PLEKHA3: variants seen among roughly 807,000 people sequenced by gnomAD.
PLEKHA3 encodes the protein pleckstrin homology domain-containing family A member 3.
PLEKHA3 carries 19 observed loss-of-function variants against 39.2 expected under a neutral mutation model. The ratio of observed to expected loss-of-function variants is 0.48; its 90% confidence interval spans 0.34 to 0.71. The LOEUF is 0.71. PLEKHA3 is among the 30% of genes least tolerant of loss of function. PLEKHA3 has a pLI of 0.01. For missense variants in PLEKHA3, 253 were observed against 359.5 expected, an observed-to-expected ratio of 0.70 and a Z score of 2.40; for synonymous variants, 97 against 118.6, an observed-to-expected ratio of 0.82 and a Z score of 1.18.
chr2:178,494,457 C>A (rs1685406960), intron 4 of PLEKHA3, among the ~76,000 whole-genome samples: 1 of 152,168 alleles, frequency 6.6e-6, no homozygotes. Context: ...ATAATAGGCT[C>A]ATTCTTCATG....
chr2:178,516,145 A>G lies in PLEKHA3; in HGVS notation c.*12258A>G, dbSNP rs1190627838. ...ATGGGTATTTAAGTGAAAAATTTGTAAGTTTAGAAGTTAAGAAATTGGAAA... is the reference window on the plus strand; with the variant it reads ...ATGGGTATTTAAGTGAAAAATTTGTGAGTTTAGAAGTTAAGAAATTGGAAA... On this transcript the variant is annotated 3_prime_UTR_variant, in exon 8 of 8. Coordinates refer to ENST00000234453, the MANE Select transcript of PLEKHA3 (RefSeq NM_019091.4). 1 of 151,828 alleles carries G rather than the reference A, an allele frequency of 6.6e-6. No homozygotes were observed. Among genetic ancestry groups the G allele is most frequent in the Non-Finnish European group, 1.5e-5 (1 of 67,894 alleles). 9.4% of individuals were successfully genotyped at this position (151,828 alleles called of 1,614,324 possible). A position where few individuals can be genotyped will look rare whatever the true frequency, so the allele number is the denominator to read the frequency against.
chr2:178,496,628 A>G (rs1685452082), intron 5 of PLEKHA3, among the ~76,000 whole-genome samples: 1 of 152,206 alleles, frequency 6.6e-6, no homozygotes, highest in South Asian at 2.1e-4. Flanking sequence ...AATGAGTTTT[A>G]TGGCCAGATT....
Position 178,501,085 on chromosome 2 carries a change from A to G in PLEKHA3, c.684A>G (p.Pro228=). ...GGAGTAGCCACTCTATAAAAGAACC[A>G]GTATCTACACTTCACCGACTCTCCC... is the stretch of plus-strand genomic sequence containing the variant. ...SERSSHSIKE[P]VSTLHRLSQR... is the part of the protein sequence containing the mutation. The change falls in exon 7 of 8, where the codon CCA becomes CCG. Residue 228 remains proline, a synonymous_variant. Transcript: ENST00000234453. The G allele has an allele frequency of 1.2e-6, 2 of 1,612,960 alleles. No homozygotes were observed. Among genetic ancestry groups the G allele is most frequent in the Non-Finnish European group, 1.7e-6 (2 of 1,179,224 alleles).
Position 178,514,414 on chromosome 2 carries a change from A to T in PLEKHA3, c.*10527A>T, listed in dbSNP as rs1685731011. ...ACTTTGCATAACTTTGCTAGATTATATATATCTTTACTCACAATAAGCAAA... is the reference window on the plus strand; with the variant it reads ...ACTTTGCATAACTTTGCTAGATTATTTATATCTTTACTCACAATAAGCAAA... On this transcript the variant is annotated 3_prime_UTR_variant, in exon 8 of 8. Transcript: ENST00000234453. The T allele has an allele frequency of 6.6e-6, 1 of 152,108 alleles. No homozygotes were observed. Among genetic ancestry groups the T allele is most frequent in the South Asian group, 2.1e-4 (1 of 4,824 alleles). The allele number at this position is 152,108 out of a possible 1,614,324, so 9.4% of individuals were successfully genotyped here.
rs768576297 is a variant in PLEKHA3 at position 178,490,636 on chromosome 2, T to G, written c.158-23T>G. ...AAATTACTTAAGTCTATAACTGTAT[T>G]TCCCCTTTGTTTATCATCATAGTTC... is the stretch of plus-strand genomic sequence containing the variant. On this transcript the variant is annotated intron_variant, in intron 2 of 7. Coordinates refer to ENST00000234453, the MANE Select transcript of PLEKHA3 (RefSeq NM_019091.4). 1.0e-5 allele frequency: 16 copies of G among 1,605,338 alleles called. No individual in the cohort carries two copies. In the South Asian group the frequency reaches 1.7e-4, roughly 17 times the overall value.
intron 3 of PLEKHA3, among the ~76,000 whole-genome samples, chr2:178,492,091 A>G (rs1272253783): frequency 6.6e-6 from 1 of 152,076 alleles, no homozygotes; most frequent in African/African-American, 2.4e-5. Flanking sequence ...TAGTACAGTT[A>G]TTTGATTTTT....
chr2:178,504,119 T>C lies in PLEKHA3; in HGVS notation c.*232T>C, dbSNP rs1017831127. 9.5e-6 allele frequency: 3 copies of C among 317,176 alleles called. No individual in the cohort carries two copies. Among genetic ancestry groups the C allele is most frequent in the Non-Finnish European group, 1.8e-5 (3 of 170,054 alleles). The allele number at this position is 317,176 out of a possible 1,614,324, so 19.6% of individuals were successfully genotyped here. On this transcript the variant is annotated 3_prime_UTR_variant, in exon 8 of 8. Transcript: ENST00000234453. ...TCACAGTATGAATGTGCATCTTTTT[T>C]TTTTGAACAAATGATGGTGTAACAT...
chr2:178,491,270 C>T (rs1247616309), intron 3 of PLEKHA3, among the ~76,000 whole-genome samples: 1 of 152,160 alleles, frequency 6.6e-6, no homozygotes, highest in Admixed American at 6.5e-5. Flanking sequence ...CTCGGCCTCC[C>T]AAAGTGCTGG....
chr2:178,492,629 T>TA (rs34187810), intron 3 of PLEKHA3, among the ~76,000 whole-genome samples: 37,452 of 137,192 alleles, frequency 0.27, 6,295 homozygotes, highest in East Asian at 0.62. Context: ...TAATAATGAT[T>TA]AAAAAAAAAA....
intron 6 of PLEKHA3, among the ~76,000 whole-genome samples, chr2:178,500,000 G>T (rs1400501479): frequency 1.3e-5 from 2 of 152,112 alleles, no homozygotes; most frequent in African/African-American, 4.8e-5. Context: ...GAAAGATCTT[G>T]CTGAAGAGAG....
At position 178,500,686 on chromosome 2, in the gene PLEKHA3, C is replaced by G. The variant is rs149689624; in HGVS notation, c.660-375C>G. ...CTATGAACTCCTTGCCCATCTCTTT[C>G]AGTCTGCTGGTTTTGATCAGATATG... On this transcript the variant is annotated intron_variant, in intron 6 of 7. Transcript: ENST00000234453. Among the ~76,000 whole-genome samples, 37 of 152,170 alleles carry G rather than the reference C, an allele frequency of 2.4e-4. No individual in the cohort carries two copies. In the East Asian group the frequency reaches 6.9e-3, roughly 29 times the overall value.
In PLEKHA3 at chr2:178,481,628, G is replaced by A. The variant is rs1377914007; in HGVS notation, c.40+719G>A. ...CTTACCATGACATTGGCAGCCTGTAGGCTTATTTAAAAGCTCCTTAAATTT... is the reference window on the plus strand; with the variant it reads ...CTTACCATGACATTGGCAGCCTGTAAGCTTATTTAAAAGCTCCTTAAATTT... On this transcript the variant is annotated intron_variant, in intron 1 of 7. Transcript: ENST00000234453. Among the ~76,000 whole-genome samples the A allele has an allele frequency of 3.3e-5, 5 of 152,110 alleles. No individual in the cohort carries two copies. The East Asian group carries it at 9.6e-4, about 29-fold the overall frequency.
At chr2:178,495,756 A>G in intron 5 of PLEKHA3, 96 bp downstream of exon 5, 1 of 1,336,424 alleles carries the variant, frequency 7.5e-7, no homozygotes, top group Non-Finnish European at 1.0e-6. Context: ...GGAAGCAGGC[A>G]GTTGGGGGGC....
chr2:178,498,006 TAAAG>T (rs1461038017), intron 5 of PLEKHA3, among the ~76,000 whole-genome samples: 2 of 152,154 alleles, frequency 1.3e-5, no homozygotes, highest in Non-Finnish European at 2.9e-5. Flanking sequence ...ATATGAAAAA[TAAAG>T]CTGAAAATTT....
chr2:178,496,006 A>T (rs1165155509), intron 5 of PLEKHA3, among the ~76,000 whole-genome samples: 1 of 152,178 alleles, frequency 6.6e-6, no homozygotes, highest in African/African-American at 2.4e-5. Flanking sequence ...ACACAATGGA[A>T]TGAGATTTTA....
chr2:178,489,401 T>C (rs910605562), intron 2 of PLEKHA3, among the ~76,000 whole-genome samples: 8 of 151,224 alleles, frequency 5.3e-5, no homozygotes, highest in African/African-American at 1.5e-4. Flanking sequence ...ATTTGGCTCC[T>C]CCCAGCTTGT....
rs1685710580 is a variant in PLEKHA3, at chr2:178,513,064, C to T, written c.*9177C>T. 1 of 152,600 alleles carries T rather than the reference C, an allele frequency of 6.6e-6. No individual in the cohort carries two copies. Among genetic ancestry groups the T allele is most frequent in the South Asian group, 2.1e-4 (1 of 4,828 alleles). 9.5% of individuals were successfully genotyped at this position (152,600 alleles called of 1,614,324 possible). ...TTTTTTTTTGAGACAGAGTCTCACC[C>T]TGTCGCCCAGGCTGGAGTGCAATGG... On this transcript the variant is annotated 3_prime_UTR_variant, in exon 8 of 8. Transcript: ENST00000234453.
chr2:178,499,584 C>A (rs538329416), intron 6 of PLEKHA3, among the ~76,000 whole-genome samples: 1 of 152,114 alleles, frequency 6.6e-6, no homozygotes, highest in East Asian at 1.9e-4. Flanking sequence ...ACAGTGGCCT[C>A]ATAAGATTAT....
At chr2:178,503,169 G>C (rs1235870920) in intron 7 of PLEKHA3, among the ~76,000 whole-genome samples, 2 of 152,034 alleles carry the variant, frequency 1.3e-5, no homozygotes, top group African/African-American at 4.8e-5. Context: ...TGCCAGTGTA[G>C]TCAGCTGTGT....
Sources: allele counts gnomAD v4.1 joint callset (sites outside exome capture counted in the v4.1 genomes callset), GRCh38; gene constraint gnomAD v4.1.1; transcripts MANE v1.5; gene names NCBI Gene and HGNC (gene_info 2026-07-23, HGNC 2026-07-21).